SLC12A3: variants seen among roughly 807,000 people sequenced by gnomAD.
The protein encoded by SLC12A3 is Na-Cl cotransporter.
Under a neutral mutation model 121.0 loss-of-function variants are expected in SLC12A3, and 104 were observed. The ratio of observed to expected loss-of-function variants is 0.86; its 90% CI spans 0.73 to 1.01. The LOEUF (loss-of-function observed/expected upper bound fraction) is 1.01, where lower values mean the gene tolerates loss of function less well. Among genes scored for constraint, SLC12A3 ranks in the 50% least tolerant of loss-of-function variants. The pLI is 0.00. For synonymous variants in SLC12A3, 536 were observed against 533.4 expected, an observed-to-expected ratio of 1.00 and a Z score of -0.07; for missense variants, 1,328 against 1,356.3, an observed-to-expected ratio of 0.98 and a Z score of 0.33.
chr16:56,885,788 T>C (rs754718509), intron 15 of SLC12A3, among the ~76,000 whole-genome samples: 2 of 152,206 alleles, frequency 1.3e-5, no homozygotes, highest in Non-Finnish European at 2.9e-5. Context: ...ATTTATGTCA[T>C]GCTTACTATG....
chr16:56,888,525 G>A (rs2055348468), intron 18 of SLC12A3, among the ~76,000 whole-genome samples: 1 of 151,168 alleles, frequency 6.6e-6, no homozygotes, highest in African/African-American at 2.4e-5. Context: ...CAGAAATGTG[G>A]GCCCAATGTT....
chr16:56,876,526 C>T (rs937422503), intron 8 of SLC12A3, among the ~76,000 whole-genome samples: 20 of 152,122 alleles, frequency 1.3e-4, no homozygotes, highest in African/African-American at 3.1e-4. Context: ...CCTGGGAGAC[C>T]GAGGCAGGGA....
chr16:56,882,707 C>T (rs1163980298), intron 13 of SLC12A3, among the ~76,000 whole-genome samples: 1 of 151,940 alleles, frequency 6.6e-6, no homozygotes, highest in Admixed American at 6.6e-5. Context: ...TTTTGGGAGG[C>T]GGAGGTGGGC....
chr16:56,887,972 CAAG>C lies in SLC12A3; in HGVS notation c.2232_2234del (p.Lys744del). On this transcript the variant is annotated inframe_deletion, in exon 18 of 26. Transcript: ENST00000563236. ...AGCCCAACATTCTGGTGGTTGGGTT[CAAG>C]AAGAACTGGCAGTCGGCTCACCCGG... 2.5e-6 allele frequency: 4 copies of C among 1,612,684 alleles called. No individual in the cohort carries two copies. The highest frequency in any genetic ancestry group is 2.5e-6 in the Non-Finnish European group (3 of 1,179,322).
chr16:56,889,770 C>T (rs766855934), intron 18 of SLC12A3, among the ~76,000 whole-genome samples: 4 of 152,190 alleles, frequency 2.6e-5, no homozygotes, highest in Non-Finnish European at 4.4e-5. Flanking sequence ...CCACTGCGCC[C>T]GGCCTCCAGA....
chr16:56,877,888 A>G (rs926181180), intron 8 of SLC12A3, among the ~76,000 whole-genome samples, 189 bp from the exon 9 acceptor site: 3 of 152,198 alleles, frequency 2.0e-5, no homozygotes, highest in South Asian at 2.1e-4. Context: ...GTCCTCAGTC[A>G]TGAGGCTCCT....
rs10695057 is a variant in SLC12A3 at position 56,911,307 on chromosome 16, TTTTGTTTGTTTG to T, written c.2925-1933_2925-1922del. Reference sequence around the variant, plus strand: ...CCCACCTTCCCTAATTTTTGAGACCTTTTGTTTGTTTGTTTGTTTGTTTGTTTGTTTGTTTTG... The same window carrying T: ...CCCACCTTCCCTAATTTTTGAGACCTTTTGTTTGTTTGTTTGTTTGTTTTG... On this transcript the variant is annotated intron_variant, in intron 25 of 25. Coordinates refer to ENST00000563236, the MANE Select transcript of SLC12A3 (RefSeq NM_001126108.2). Among the ~76,000 whole-genome samples, 14 of 148,436 alleles carry T rather than the reference TTTTGTTTGTTTG, an allele frequency of 9.4e-5. No individual in the cohort carries two copies. In the East Asian group the frequency reaches 1.2e-3, roughly 13 times the overall value.
At chr16:56,869,860 C>G (rs752296247) in intron 4 of SLC12A3, 36 bp downstream of exon 4, 4 of 1,556,810 alleles carry the variant, frequency 2.6e-6, no homozygotes, top group Non-Finnish European at 3.5e-6. Flanking sequence ...GCCCTCCTCT[C>G]GTGGGCTCCT....
chr16:56,908,130 G>A (rs2055632248), intron 25 of SLC12A3, among the ~76,000 whole-genome samples: 1 of 139,752 alleles, frequency 7.2e-6, no homozygotes, highest in Non-Finnish European at 1.5e-5. Flanking sequence ...TTTAAAGAAT[G>A]ATTGTATTCA....
intron 3 of SLC12A3, among the ~76,000 whole-genome samples, chr16:56,869,031 C>G (rs1370637403): frequency 2.0e-5 from 3 of 152,032 alleles, no homozygotes; most frequent in Non-Finnish European, 4.4e-5. Context: ...GACTCAGATG[C>G]TAGCTCTGTA....
In SLC12A3 at chr16:56,913,626, A is replaced by T; in HGVS notation, c.*221A>T. On this transcript the variant is annotated 3_prime_UTR_variant, in exon 26 of 26. Transcript: ENST00000563236. ...TGTGTTTATAGGCTAGAGAAATAGCAGATGGAGCTGCAAGGAAAACTCTCT... is the reference window on the plus strand; with the variant it reads ...TGTGTTTATAGGCTAGAGAAATAGCTGATGGAGCTGCAAGGAAAACTCTCT... 1.7e-6 allele frequency: 1 copy of T among 598,788 alleles called. No individual in the cohort carries two copies. The highest frequency in any genetic ancestry group is 2.8e-5 in the Admixed American group (1 of 36,230). 37.1% of individuals were successfully genotyped at this position (598,788 alleles called of 1,614,324 possible). A position where few individuals can be genotyped will look rare whatever the true frequency, so the allele number is the denominator to read the frequency against.
At chr16:56,885,199 C>A (rs1005339395) in intron 14 of SLC12A3, 66 bp from the exon 15 acceptor site, 2 of 1,000,026 alleles carry the variant, frequency 2.0e-6, no homozygotes, top group South Asian at 1.4e-5. Flanking sequence ...TGTCCCTCCA[C>A]GTGTCTGGTT....
intron 13 of SLC12A3, among the ~76,000 whole-genome samples, chr16:56,882,725 T>C (rs1187860926): frequency 6.6e-6 from 1 of 152,010 alleles, no homozygotes; most frequent in Non-Finnish European, 1.5e-5. Flanking sequence ...GGCGGATCAC[T>C]TGAGGTCAGG....
intron 22 of SLC12A3, 49 bp downstream of exon 22, chr16:56,894,691 C>T (rs776471300): frequency 3.6e-6 from 5 of 1,398,050 alleles, no homozygotes; most frequent in Admixed American, 3.4e-5. Context: ...CCAGTGTCAT[C>T]TTAGCTCCAC....
Position 56,870,101 on chromosome 16 carries a change from A to G in SLC12A3, c.607A>G (p.Thr203Ala). Residue 203 changes from threonine to alanine, a missense_variant, in exon 5 of 26, where the codon ACC becomes GCC. Thr to Ala is a moderately conservative substitution (Grantham distance 58, BLOSUM62 0). Transcript: ENST00000563236. ...STNGKVKSGG[T>A]YFLISRSLGP... is the part of the protein sequence containing the mutation. ...TCCCGGCTCTGCCCTGATAGGTGGC[A>G]CCTACTTCCTCATCTCCCGGAGTCT... The G allele has an allele frequency of 6.2e-7, 1 of 1,613,220 alleles. No individual in the cohort carries two copies.
chr16:56,909,679 C>T (rs1254731335), intron 25 of SLC12A3, among the ~76,000 whole-genome samples: 1 of 152,008 alleles, frequency 6.6e-6, no homozygotes, highest in African/African-American at 2.4e-5. Flanking sequence ...TGTTTCTCTA[C>T]AAGTTCAGTC....
Position 56,913,460 on chromosome 16 carries a change from C to T in SLC12A3, c.*55C>T. ...TCTGAGTGTGTGGGATAAGTTGGAA[C>T]TTGATTGCCTCTAGTCCACAGGGAT... is the stretch of plus-strand genomic sequence containing the variant. On this transcript the variant is annotated 3_prime_UTR_variant, in exon 26 of 26. Coordinates refer to ENST00000563236, the MANE Select transcript of SLC12A3 (RefSeq NM_001126108.2). 8 of 1,559,360 alleles carry T rather than the reference C, an allele frequency of 5.1e-6. No homozygotes were observed. Among genetic ancestry groups the T allele is most frequent in the East Asian group, 2.2e-5 (1 of 44,606 alleles).
rs121909385 is a variant in SLC12A3 at position 56,885,307 on chromosome 16, T to C, written c.1868T>C (p.Leu623Pro). The C allele has an allele frequency of 7.7e-6, 12 of 1,556,022 alleles. No individual in the cohort carries two copies. The East Asian group carries it at 2.9e-4, about 38-fold the overall frequency. ...GSSVQAGSYN[L>P]ALSYSVGLNE... The stretch of plus-strand genomic sequence containing the variant: ...TCGGTACAGGCTGGCTCCTACAACC[T>C]GGCCCTCAGCTACTCGGTGGGCCTC... The change falls in exon 15 of 26, where the codon CTG becomes CCG. Residue 623 changes from leucine (L) to proline (P), a missense_variant. By Grantham distance (98) the Leu-to-Pro change is moderately conservative. Coordinates refer to ENST00000563236, the MANE Select transcript of SLC12A3 (RefSeq NM_001126108.2).
intron 13 of SLC12A3, among the ~76,000 whole-genome samples, chr16:56,883,159 T>TTGCAC (rs536611957): frequency 2.4e-4 from 37 of 152,236 alleles, no homozygotes; most frequent in Non-Finnish European, 5.0e-4. Context: ...GTGCTGCAGG[T>TTGCAC]TGCACACTGC....
Sources: gnomAD v4.1 joint callset for allele counts (sites outside exome capture counted in the v4.1 genomes callset) on GRCh38, gnomAD v4.1.1 for gene constraint, MANE v1.5 for transcripts, NCBI Gene and HGNC (gene_info 2026-07-23, HGNC 2026-07-21) for gene names.